Variants in ST6GAL2 observed in about 807,000 individuals in gnomAD.
ST6GAL2 encodes ST6 beta-galactoside alpha-2,6-sialyltransferase 2, also known as beta-galactoside alpha-2,6-sialyltransferase 2.
A neutral mutation model predicts 37.5 loss-of-function variants in ST6GAL2; 24 were observed. The ratio of observed to expected loss-of-function variants is 0.64; its 90% CI spans 0.46 to 0.90. ST6GAL2 has a LOEUF of 0.90. ST6GAL2 is among the 40% of genes least tolerant of loss of function. The pLI is 0.00. For synonymous variants in ST6GAL2, 306 were observed against 295.1 expected, an observed-to-expected ratio of 1.04 and a Z score of -0.38; for missense variants, 715 against 712.7, an observed-to-expected ratio of 1.00 and a Z score of -0.04.
At chr2:106,813,178 T>C in intron 5 of ST6GAL2, 1 of 1,350,916 alleles carries the variant, frequency 7.4e-7, no homozygotes, top group Non-Finnish European at 9.6e-7. Context: ...AGTCGCGTGA[T>C]CTCGGCTCAC....
Position 106,840,432 on chromosome 2 carries a change from T to A in ST6GAL2, c.943+2603A>T, listed in dbSNP as rs146524505. Reference sequence around the variant, plus strand: ...GGCATGTACACTGCTGATGCTGAGATACCAACTTATACAAATGAAACTTTT... The same window carrying A: ...GGCATGTACACTGCTGATGCTGAGAAACCAACTTATACAAATGAAACTTTT... On this transcript the variant is annotated intron_variant, in intron 2 of 5. Coordinates refer to ENST00000409382, the MANE Select transcript of ST6GAL2 (RefSeq NM_001142351.2). Among the ~76,000 whole-genome samples the A allele has an allele frequency of 4.1e-4, 63 of 152,336 alleles. 2 individuals carry two copies. In the East Asian group the frequency reaches 0.012, roughly 29 times the overall value.
At chr2:106,826,950 G>C (rs1676232477) in intron 5 of ST6GAL2, among the ~76,000 whole-genome samples, 1 of 152,180 alleles carries the variant, frequency 6.6e-6, no homozygotes, top group Non-Finnish European at 1.5e-5. Flanking sequence ...CAGGGACACT[G>C]CCAGGGTGAT....
intron 1 of ST6GAL2, among the ~76,000 whole-genome samples, chr2:106,863,114 CTACAAA>C (rs1182172320): frequency 6.6e-6 from 1 of 151,984 alleles, no homozygotes; most frequent in Non-Finnish European, 1.5e-5. Flanking sequence ...AAATTTCTTT[CTACAAA>C]TGAGGAGCCC....
At chr2:106,847,010 A>G (rs1677172092) in intron 1 of ST6GAL2, among the ~76,000 whole-genome samples, 1 of 152,172 alleles carries the variant, frequency 6.6e-6, no homozygotes, top group Admixed American at 6.5e-5. Context: ...GCTTCATCCT[A>G]TGGCTCACAC....
At chr2:106,871,266 C>G (rs1157636631) in intron 1 of ST6GAL2, among the ~76,000 whole-genome samples, 3 of 152,202 alleles carry the variant, frequency 2.0e-5, no homozygotes, top group Admixed American at 2.0e-4. Flanking sequence ...ATAAATGGAA[C>G]TTCCATGACT....
At chr2:106,850,116 C>T (rs1677297196) in intron 1 of ST6GAL2, among the ~76,000 whole-genome samples, 1 of 152,124 alleles carries the variant, frequency 6.6e-6, no homozygotes, top group Admixed American at 6.5e-5. Context: ...CAGACATAGC[C>T]TCCATTATAT....
intron 1 of ST6GAL2, among the ~76,000 whole-genome samples, chr2:106,847,163 A>AG (rs1468131476): frequency 2.2e-4 from 33 of 152,150 alleles, no homozygotes; most frequent in Non-Finnish European, 4.0e-4. Context: ...TCCATTTCTG[A>AG]ATGTCTTGGC....
chr2:106,816,377 A>T (rs1675802791), intron 5 of ST6GAL2, among the ~76,000 whole-genome samples: 1 of 152,190 alleles, frequency 6.6e-6, no homozygotes, highest in Admixed American at 6.5e-5. Flanking sequence ...CTTGATACTA[A>T]AAGTCAAAAC....
chr2:106,839,306 C>T (rs1222835607), intron 2 of ST6GAL2, among the ~76,000 whole-genome samples: 4 of 152,058 alleles, frequency 2.6e-5, no homozygotes, highest in Non-Finnish European at 4.4e-5. Context: ...GGTCTCCTCT[C>T]CCTGGAGCAG....
At chr2:106,870,654 G>C (rs1474849926) in intron 1 of ST6GAL2, among the ~76,000 whole-genome samples, 5 of 152,142 alleles carry the variant, frequency 3.3e-5, no homozygotes. Flanking sequence ...GTTTCCTGAA[G>C]AGTGCAACAT....
chr2:106,830,558 A>G (rs1676381255), intron 4 of ST6GAL2, among the ~76,000 whole-genome samples: 2 of 152,242 alleles, frequency 1.3e-5, no homozygotes, highest in African/African-American at 4.8e-5. Flanking sequence ...CCATAGAGTC[A>G]GTCGTCTCTA....
At chr2:106,877,994 T>C (rs975260131) in intron 1 of ST6GAL2, among the ~76,000 whole-genome samples, 1 of 152,124 alleles carries the variant, frequency 6.6e-6, no homozygotes, top group African/African-American at 2.4e-5. Flanking sequence ...ACCCTGAAAA[T>C]TCAGTGGCTA....
chr2:106,857,852 C>T (rs563598654), intron 1 of ST6GAL2, among the ~76,000 whole-genome samples: 2 of 152,136 alleles, frequency 1.3e-5, no homozygotes, highest in African/African-American at 2.4e-5. Flanking sequence ...AAGAACAATG[C>T]CTCGCTGCTG....
At chr2:106,842,351 C>T (rs4676091) in intron 2 of ST6GAL2, among the ~76,000 whole-genome samples, 16,810 of 152,112 alleles carry the variant, frequency 0.11, 1,204 homozygotes, top group African/African-American at 0.15. Context: ...GGGAGGAAGC[C>T]CAGGTGTTGC....
At chr2:106,814,944 T>C (rs1365643781) in intron 5 of ST6GAL2, among the ~76,000 whole-genome samples, 5 of 152,114 alleles carry the variant, frequency 3.3e-5, no homozygotes, top group African/African-American at 4.8e-5. Context: ...ATGGGCTGAG[T>C]GTAAGGAAGC....
At chr2:106,874,486 C>T (rs539737977) in intron 1 of ST6GAL2, among the ~76,000 whole-genome samples, 243 of 152,058 alleles carry the variant, frequency 1.6e-3, no homozygotes, top group Non-Finnish European at 1.5e-3. Flanking sequence ...CAATGGACGA[C>T]GACTGGGGAA....
At chr2:106,883,880 C>T (rs1678850752) in intron 1 of ST6GAL2, among the ~76,000 whole-genome samples, 1 of 152,160 alleles carries the variant, frequency 6.6e-6, no homozygotes, top group South Asian at 2.1e-4. Context: ...AATCTGCAAA[C>T]TAATTAAGAG....
intron 1 of ST6GAL2, among the ~76,000 whole-genome samples, chr2:106,856,374 G>A (rs1276881328): frequency 3.9e-5 from 6 of 152,138 alleles, no homozygotes; most frequent in Admixed American, 2.0e-4. Context: ...TGAGAGACAC[G>A]GATCATGGTG....
At chr2:106,817,372 T>A (rs1675841169) in intron 5 of ST6GAL2, among the ~76,000 whole-genome samples, 1 of 152,186 alleles carries the variant, frequency 6.6e-6, no homozygotes, top group Non-Finnish European at 1.5e-5. Flanking sequence ...GCAACTTGGA[T>A]ACCAGCTCAG....
Sources: gnomAD v4.1 joint callset for allele counts (sites outside exome capture counted in the v4.1 genomes callset) on GRCh38, gnomAD v4.1.1 for gene constraint, MANE v1.5 for transcripts, NCBI Gene and HGNC (gene_info 2026-07-23, HGNC 2026-07-21) for gene names.